Variants in FAM135B observed in about 807,000 individuals in gnomAD.
FAM135B encodes family with sequence similarity 135 member B, also known as protein FAM135B.
FAM135B carries 43 observed loss-of-function variants against 127.7 expected under a neutral mutation model. The observed-to-expected ratio is 0.34, with a 90% CI of 0.26 to 0.43. The LOEUF (loss-of-function observed/expected upper bound fraction) is 0.43. Among genes scored for constraint, FAM135B ranks in the 20% least tolerant of loss-of-function variants. The pLI, the probability that FAM135B is intolerant of heterozygous loss-of-function variation, is 1.00. For missense variants in FAM135B, 1,558 were observed against 1,725.6 expected (o/e 0.90, Z 1.72); for synonymous variants, 670 against 665.1 (o/e 1.01, Z -0.11).
At chr8:138,477,669 G>T (rs1165065108) in intron 1 of FAM135B, among the ~76,000 whole-genome samples, 1 of 152,174 alleles carries the variant, frequency 6.6e-6, no homozygotes, top group African/African-American at 2.4e-5. Context: ...GATATTAACT[G>T]ACACCTATAC....
chr8:138,490,711 C>T (rs1012661022), intron 1 of FAM135B, among the ~76,000 whole-genome samples: 1 of 152,184 alleles, frequency 6.6e-6, no homozygotes, highest in South Asian at 2.1e-4. Context: ...CTCTCCTTGC[C>T]CATCTTCCCC....
intron 3 of FAM135B, among the ~76,000 whole-genome samples, chr8:138,302,432 G>T (rs1825955876): frequency 6.6e-6 from 1 of 152,144 alleles, no homozygotes; most frequent in Non-Finnish European, 1.5e-5. Context: ...CCATGCAGCA[G>T]CTGTTAATGC....
At chr8:138,148,731 T>G (rs774802547) in intron 13 of FAM135B, 45 bp from the exon 14 acceptor site, 3 of 1,467,020 alleles carry the variant, frequency 2.0e-6, no homozygotes, top group Admixed American at 1.9e-5. Context: ...GTGTACTTCA[T>G]GTTGAACAGG....
chr8:138,206,372 C>A (rs796266304), intron 7 of FAM135B, among the ~76,000 whole-genome samples: 6 of 149,982 alleles, frequency 4.0e-5, no homozygotes, highest in South Asian at 2.1e-4. Context: ...CACCTACCCA[C>A]AACTCTATCA....
At chr8:138,364,776 T>C (rs1830637563) in intron 2 of FAM135B, among the ~76,000 whole-genome samples, 1 of 152,158 alleles carries the variant, frequency 6.6e-6, no homozygotes, top group Non-Finnish European at 1.5e-5. Flanking sequence ...AAAAAGGTTT[T>C]TTAAAGAGAG....
chr8:138,244,008 C>CA (rs1343383552), intron 6 of FAM135B, among the ~76,000 whole-genome samples: 1 of 152,152 alleles, frequency 6.6e-6, no homozygotes, highest in Non-Finnish European at 1.5e-5. Context: ...ACTATGGGTG[C>CA]TCAAGAAACA....
chr8:138,326,218 T>C (rs1827789905), intron 2 of FAM135B, among the ~76,000 whole-genome samples: 2 of 152,168 alleles, frequency 1.3e-5, no homozygotes, highest in Non-Finnish European at 2.9e-5. Context: ...TGAGTGGCCA[T>C]GTGTCAATGT....
At chr8:138,288,209 T>G (rs1476287701) in intron 3 of FAM135B, among the ~76,000 whole-genome samples, 1 of 152,182 alleles carries the variant, frequency 6.6e-6, no homozygotes, top group Non-Finnish European at 1.5e-5. Context: ...GTGCCCAGTT[T>G]GTACCAAGCA....
chr8:138,164,126 G>A (rs1220070039), intron 12 of FAM135B, among the ~76,000 whole-genome samples: 1 of 152,212 alleles, frequency 6.6e-6, no homozygotes, highest in Non-Finnish European at 1.5e-5. Context: ...GTTCTTGAGG[G>A]AAGAGAAAAT....
At chr8:138,309,017 T>C (rs1826468291) in intron 3 of FAM135B, 1 of 455,356 alleles carries the variant, frequency 2.2e-6, no homozygotes, top group African/African-American at 2.0e-5. Context: ...TTCTGACATA[T>C]GTATATTTAG....
intron 2 of FAM135B, among the ~76,000 whole-genome samples, chr8:138,339,377 A>ATG (rs1828873026): frequency 1.1e-5 from 1 of 90,342 alleles, no homozygotes; most frequent in African/African-American, 3.7e-5. Flanking sequence ...ATATATATAT[A>ATG]TATATATTTT....
chr8:138,454,283 G>A (rs1037347033), intron 1 of FAM135B, among the ~76,000 whole-genome samples: 10 of 152,144 alleles, frequency 6.6e-5, no homozygotes, highest in South Asian at 2.1e-4. Flanking sequence ...TCAGGTACAC[G>A]TGAAGTGGAT....
intron 9 of FAM135B, among the ~76,000 whole-genome samples, chr8:138,189,201 C>G (rs1815880596): frequency 6.6e-6 from 1 of 152,198 alleles, no homozygotes; most frequent in South Asian, 2.1e-4. Flanking sequence ...GATGGCTTGA[C>G]AGCGTTGCTT....
chr8:138,446,385 C>T (rs367862885), intron 1 of FAM135B, among the ~76,000 whole-genome samples: 13 of 152,012 alleles, frequency 8.6e-5, no homozygotes, highest in East Asian at 3.9e-4. Flanking sequence ...GGAGGCATCA[C>T]GCTACCTGAC....
At chr8:138,442,272 A>ATATATATG (rs1265446859) in intron 1 of FAM135B, among the ~76,000 whole-genome samples, 1 of 139,104 alleles carries the variant, frequency 7.2e-6, no homozygotes, top group Non-Finnish European at 1.6e-5. Flanking sequence ...ATATATATAT[A>ATATATATG]TATATGAAAA....
chr8:138,374,151 C>T (rs377416039), intron 1 of FAM135B, among the ~76,000 whole-genome samples: 28 of 152,124 alleles, frequency 1.8e-4, no homozygotes, highest in African/African-American at 5.1e-4. Context: ...CTCCCTCGGA[C>T]GCCCAGCTTT....
chr8:138,360,479 T>G (rs1048394434), intron 2 of FAM135B, among the ~76,000 whole-genome samples: 4 of 152,144 alleles, frequency 2.6e-5, no homozygotes, highest in African/African-American at 4.8e-5. Context: ...AGCAGAAGAA[T>G]GCATAAATGG....
At chr8:138,497,438 T>A (rs1815440690), upstream of FAM135B, among the ~76,000 whole-genome samples, 1 of 151,804 alleles carries the variant, frequency 6.6e-6, no homozygotes, top group Admixed American at 6.5e-5. Flanking sequence ...GCGAGCATGC[T>A]CAGTCCCCGC....
At chr8:138,258,780 C>T (rs1342122974) in intron 4 of FAM135B, among the ~76,000 whole-genome samples, 1 of 147,308 alleles carries the variant, frequency 6.8e-6, no homozygotes, top group African/African-American at 2.5e-5. Context: ...CTTCCTACCC[C>T]TCCCTTCAAA....
Sources: allele counts gnomAD v4.1 joint callset (sites outside exome capture counted in the v4.1 genomes callset), GRCh38; gene constraint gnomAD v4.1.1; transcripts MANE v1.5; gene names NCBI Gene and HGNC (gene_info 2026-07-23, HGNC 2026-07-21).